Variants in GALNTL5 observed in about 807,000 individuals in gnomAD.
The protein encoded by GALNTL5 is polypeptide N-acetylgalactosaminyltransferase like 5.
GALNTL5 carries 44 observed loss-of-function variants against 51.0 expected under a neutral mutation model. The ratio of observed to expected loss-of-function variants is 0.86; its 90% CI spans 0.68 to 1.11. The LOEUF is 1.11. Ranked by LOEUF, GALNTL5 falls within the 50% of genes least tolerant of loss-of-function variation. GALNTL5 has a pLI of 0.00. For synonymous variants in GALNTL5, 192 were observed against 182.8 expected, an observed-to-expected ratio of 1.05 and a Z score of -0.41; for missense variants, 528 against 531.8, an observed-to-expected ratio of 0.99 and a Z score of 0.07.
At position 152,002,242 on chromosome 7, in the gene GALNTL5, T is replaced by C. The variant is rs369976995; in HGVS notation, c.659-472T>C. On this transcript the variant is annotated intron_variant, in intron 5 of 8. Coordinates refer to ENST00000392800, the MANE Select transcript of GALNTL5 (RefSeq NM_145292.4). ...TTGCAGTGAGCCAATATCATGCCAC[T>C]GCACTCCAGCCTGGGTGATAGAACA... Among the ~76,000 whole-genome samples the C allele has an allele frequency of 5.3e-5, 8 of 151,576 alleles. No homozygotes were observed. In the East Asian group the frequency reaches 1.4e-3, roughly 26 times the overall value.
intron 5 of GALNTL5, among the ~76,000 whole-genome samples, chr7:151,994,761 A>C (rs1403542291): frequency 2.2e-4 from 7 of 32,094 alleles, no homozygotes; most frequent in African/African-American, 3.8e-4. Flanking sequence ...CCTTACCCCC[A>C]ATTTTTTTTT....
chr7:151,958,857 A>G (rs2080958311), intron 1 of GALNTL5, among the ~76,000 whole-genome samples: 1 of 152,182 alleles, frequency 6.6e-6, no homozygotes, highest in Non-Finnish European at 1.5e-5. Context: ...AGCTCTTGAC[A>G]CAAGAGGGGA....
chr7:151,967,579 CT>C, intron 2 of GALNTL5, 86 bp downstream of exon 2: 2 of 1,105,898 alleles, frequency 1.8e-6, no homozygotes, highest in Non-Finnish European at 2.6e-6. Context: ...CGAGACTATC[CT>C]TTTTAAAGCA....
At chr7:152,018,409 A>G (rs968205578) in intron 8 of GALNTL5, among the ~76,000 whole-genome samples, 1 of 152,230 alleles carries the variant, frequency 6.6e-6, no homozygotes, top group East Asian at 1.9e-4. Context: ...CTCATTGTTT[A>G]AAATTGTATT....
intron 8 of GALNTL5, among the ~76,000 whole-genome samples, chr7:152,017,105 G>A (rs910168760): frequency 1.1e-4 from 17 of 151,806 alleles, no homozygotes; most frequent in South Asian, 2.1e-4. Flanking sequence ...CTCACTTAAC[G>A]ATGGGAATAT....
chr7:151,987,444 A>G (rs190699855), intron 5 of GALNTL5, among the ~76,000 whole-genome samples, 163 bp downstream of exon 5: 79 of 152,318 alleles, frequency 5.2e-4, no homozygotes, highest in African/African-American at 1.9e-3. Context: ...TTTGCCTCTG[A>G]AAGTGTTCTG....
chr7:152,019,627 ACT>A lies in GALNTL5; in HGVS notation c.1177-16_1177-15del. 1.2e-6 allele frequency: 2 copies of A among 1,604,170 alleles called. No individual in the cohort carries two copies. The highest frequency in any genetic ancestry group is 1.7e-4 in the Middle Eastern group (1 of 6,022). On this transcript the variant is annotated splice_polypyrimidine_tract_variant and intron_variant, in intron 8 of 8. Transcript: ENST00000392800. ...TTTGTTTGGTTGAACGTAACGACTG[ACT>A]CTATATTTTCATTTAGGAGCAGTTT...
chr7:152,019,762 T>C lies in GALNTL5; in HGVS notation c.1293T>C (p.Asn431=). The change falls in exon 9 of 9, where the codon AAT becomes AAC. Residue 431 remains asparagine (N), a synonymous_variant. Transcript: ENST00000392800. ...AGTCATTTCAGTGGTATTTGGATAA[T>C]GTCTTCCCAGAGTTGGAGGCATCTG... ...GCKSFQWYLD[N]VFPELEASVN... 3 of 1,613,888 alleles carry C rather than the reference T, an allele frequency of 1.9e-6. No individual in the cohort carries two copies. In the South Asian group the frequency reaches 3.3e-5, roughly 18 times the overall value.
chr7:151,976,882 G>T (rs2081213356), intron 3 of GALNTL5, among the ~76,000 whole-genome samples: 1 of 152,000 alleles, frequency 6.6e-6, no homozygotes, highest in African/African-American at 2.4e-5. Context: ...TGGTCAGGCT[G>T]GTCTCGAACT....
At chr7:152,013,302 C>T (rs533721924) in intron 7 of GALNTL5, among the ~76,000 whole-genome samples, 10 of 152,000 alleles carry the variant, frequency 6.6e-5, no homozygotes, top group South Asian at 4.2e-4. Context: ...ATGCATTTTA[C>T]CCATGTAACA....
At chr7:152,016,642 A>G (rs191893481) in intron 8 of GALNTL5, among the ~76,000 whole-genome samples, 226 of 152,334 alleles carry the variant, frequency 1.5e-3, no homozygotes, top group African/African-American at 5.2e-3. Context: ...AATAAACAGC[A>G]TTATTTGTTT....
intron 4 of GALNTL5, 60 bp downstream of exon 4, chr7:151,983,212 C>G: frequency 4.1e-6 from 6 of 1,448,552 alleles, no homozygotes; most frequent in Non-Finnish European, 5.8e-6. Flanking sequence ...AGATTTCCCT[C>G]TGTCACCCAG....
At chr7:151,998,733 C>G (rs528324034) in intron 5 of GALNTL5, among the ~76,000 whole-genome samples, 1 of 145,350 alleles carries the variant, frequency 6.9e-6, no homozygotes, top group Admixed American at 7.1e-5. Flanking sequence ...GATCATGCTA[C>G]TGCACTCCAG....
intron 5 of GALNTL5, among the ~76,000 whole-genome samples, chr7:151,990,893 C>G (rs1273886678): frequency 6.6e-6 from 1 of 152,074 alleles, no homozygotes; most frequent in African/African-American, 2.4e-5. Flanking sequence ...CCTTGGATGG[C>G]TAAATGCGTA....
chr7:152,014,733 C>A lies in GALNTL5; in HGVS notation c.1116C>A (p.Ile372=). Residue 372 remains isoleucine, a synonymous_variant, in exon 8 of 9, where the codon ATC becomes ATA. Transcript: ENST00000392800. ...AACAAACTGGAAAACCTTCTACAAT[C>A]ATCAGTGCTATGACACATAACTACC... The part of the protein sequence containing the change: ...SKKQTGKPST[I]ISAMTHNYLR... The A allele has an allele frequency of 1.2e-6, 2 of 1,614,010 alleles. No homozygotes were observed. Among genetic ancestry groups the A allele is most frequent in the Non-Finnish European group, 1.7e-6 (2 of 1,179,912 alleles).
At chr7:151,990,993 A>G (rs1182984462) in intron 5 of GALNTL5, among the ~76,000 whole-genome samples, 3 of 152,314 alleles carry the variant, frequency 2.0e-5, no homozygotes. Context: ...AAAAACAAAC[A>G]TATCAATATT....
At chr7:151,984,836 A>G (rs2081340242) in intron 4 of GALNTL5, among the ~76,000 whole-genome samples, 1 of 152,204 alleles carries the variant, frequency 6.6e-6, no homozygotes, top group South Asian at 2.1e-4. Context: ...CAGAAGTACA[A>G]GAATGCTGCC....
At chr7:151,997,443 G>A (rs569844982) in intron 5 of GALNTL5, among the ~76,000 whole-genome samples, 2 of 152,108 alleles carry the variant, frequency 1.3e-5, no homozygotes, top group South Asian at 2.1e-4. Context: ...AGCTGAAGAG[G>A]GACCCTCACT....
At chr7:151,983,383 G>A (rs2081320304) in intron 4 of GALNTL5, among the ~76,000 whole-genome samples, 1 of 152,068 alleles carries the variant, frequency 6.6e-6, no homozygotes, top group Non-Finnish European at 1.5e-5. Context: ...TCACCATGTT[G>A]GTCAGGCTGG....
Sources: gnomAD v4.1 joint callset for allele counts (sites outside exome capture counted in the v4.1 genomes callset) on GRCh38, gnomAD v4.1.1 for gene constraint, MANE v1.5 for transcripts, NCBI Gene and HGNC (gene_info 2026-07-23, HGNC 2026-07-21) for gene names.